The following ISLR2 variants were observed in gnomAD, a reference collection of about 807,000 sequenced individuals.
ISLR2 encodes immunoglobulin superfamily containing leucine-rich repeat protein 2.
In ISLR2, 16 loss-of-function variants were observed where a neutral mutation model predicts 25.5. The observed-to-expected ratio is 0.63, with a 90% CI of 0.43 to 0.95. The LOEUF (loss-of-function observed/expected upper bound fraction) is 0.95, where lower values mean the gene tolerates loss of function less well. Among genes scored for constraint, ISLR2 ranks in the 40% least tolerant of loss-of-function variants. The probability of loss-of-function intolerance (pLI) is 0.00; values close to 1 mark genes in which losing one functional copy is unlikely to be tolerated. For synonymous variants in ISLR2, 508 were observed against 486.6 expected (o/e 1.04, Z -0.58); for missense variants, 883 against 1,030.7 (o/e 0.86, Z 1.96).
In ISLR2 at chr15:74,132,063, C is replaced by G. The variant is rs2072433061; in HGVS notation, c.-8-684C>G. On this transcript the variant is annotated intron_variant, in intron 2 of 2. Transcript: ENST00000453268. The surrounding 1 kb of genome is among the most constrained non-coding windows in gnomAD (Gnocchi z 4.3). ...GTGTCCTTGTGTCTGTCAATTGTCA[C>G]AATGGACAGGAAAGCGCTTTGTACC... 1 of 152,334 alleles carries G rather than the reference C, an allele frequency of 6.6e-6. No homozygotes were observed. The highest frequency in any genetic ancestry group is 2.4e-5 in the African/African-American group (1 of 41,422). 9.4% of individuals were successfully genotyped at this position (152,334 alleles called of 1,614,324 possible).
chr15:74,134,488 A>G lies in ISLR2; in HGVS notation c.1734A>G (p.Gln578=), dbSNP rs376503849. ...TGGCGGGCGAAGCCTGCCACGTGCA[A>G]GTGGTGTTTTCCACCAAGAAGGAGC... ...LALAGEACHV[Q]VVFSTKKELP... is the part of the protein sequence containing the mutation. Residue 578 remains glutamine, a synonymous_variant, in exon 3 of 3, where the codon CAA becomes CAG. Coordinates refer to ENST00000453268, the MANE Select transcript of ISLR2 (RefSeq NM_020851.3). 32 of 1,613,368 alleles carry G rather than the reference A, an allele frequency of 2.0e-5. No individual in the cohort carries two copies. Among genetic ancestry groups the G allele is most frequent in the Non-Finnish European group, 2.7e-5 (32 of 1,179,974 alleles).
chr15:74,120,628 A>G (rs956494884), intron 2 of ISLR2, among the ~76,000 whole-genome samples: 1 of 151,912 alleles, frequency 6.6e-6, no homozygotes, highest in African/African-American at 2.4e-5. Flanking sequence ...CGGCTTGGGA[A>G]CAGGGAGCTG....
At chr15:74,120,771 C>A (rs1047184519) in intron 2 of ISLR2, among the ~76,000 whole-genome samples, 9 of 152,028 alleles carry the variant, frequency 5.9e-5, no homozygotes, top group Non-Finnish European at 1.0e-4. Context: ...GCATACTTCA[C>A]AAATTGTGAG....
At chr15:74,131,138 T>G (rs1467814310) in intron 1 of ISLR2, 69 bp from the exon 2 acceptor site, 1 of 152,788 alleles carries the variant, frequency 6.5e-6, no homozygotes, top group African/African-American at 2.4e-5. Context: ...GAAGTGGTAC[T>G]TTGGGGCCAC....
Position 74,133,726 on chromosome 15 carries a change from G to A in ISLR2, c.972G>A (p.Pro324=), listed in dbSNP as rs766750466. The A allele has an allele frequency of 6.2e-7, 1 of 1,609,444 alleles. No individual in the cohort carries two copies. Among genetic ancestry groups the A allele is most frequent in the Non-Finnish European group, 8.5e-7 (1 of 1,178,000 alleles). ...CGCCGACTCCAGCACCCGCTTGGCC[G>A]GCGCCCCCAGCCACACCGCGCTTCC... is the stretch of plus-strand genomic sequence containing the variant. The part of the protein sequence containing the change: ...AQTPTPAPAW[P]APPATPRFLA... Residue 324 remains proline (P), a synonymous_variant, in exon 3 of 3, where the codon CCG becomes CCA. Coordinates refer to ENST00000453268, the MANE Select transcript of ISLR2 (RefSeq NM_020851.3).
upstream of ISLR2, chr15:74,128,623 C>G: frequency 2.2e-6 from 1 of 456,646 alleles, no homozygotes; most frequent in Non-Finnish European, 4.4e-6. Context: ...GATTCTGCCT[C>G]CCTGCGGAAG....
chr15:74,119,473 C>T lies in ISLR2; in HGVS notation n.229-11734C>T, dbSNP rs143422010. On this transcript the variant is annotated intron_variant and non_coding_transcript_variant, in intron 2 of 3. Coordinates refer to the ISLR2 transcript ENST00000561975. ...TGGTCCTCCCAAACTGCTAGGATTACGGGTGTGAGCCACTGCACTCAGCCA... is the reference window on the plus strand; with the variant it reads ...TGGTCCTCCCAAACTGCTAGGATTATGGGTGTGAGCCACTGCACTCAGCCA... 1.9e-4 allele frequency among the ~76,000 whole-genome samples: 29 copies of T among 152,236 alleles called. No homozygotes were observed. In the East Asian group the frequency reaches 4.4e-3, roughly 23 times the overall value.
Position 74,134,177 on chromosome 15 carries a change from C to T in ISLR2, c.1423C>T (p.Gln475Ter). The change falls in exon 3 of 3, where the codon CAG becomes TAG. Residue 475 changes from glutamine (Q) to a stop codon, truncating the protein, a stop_gained. Coordinates refer to ENST00000453268, the MANE Select transcript of ISLR2 (RefSeq NM_020851.3). LOFTEE classifies it high-confidence loss of function. ...SRYVSNHAFN[Q>*]SAELKPHVFE... ...GTACGTTTCTAACCACGCGTTCAAC[C>T]AGAGCGCAGAGCTCAAGCCGCACGT... 1 of 1,612,284 alleles carries T rather than the reference C, an allele frequency of 6.2e-7. No individual in the cohort carries two copies.
At chr15:74,140,744 C>G (rs118037289), downstream of ISLR2, among the ~76,000 whole-genome samples, 1 of 152,120 alleles carries the variant, frequency 6.6e-6, no homozygotes, top group Non-Finnish European at 1.5e-5. Context: ...CTGGGCAGTT[C>G]GGAGGAAGCA....
upstream of ISLR2, among the ~76,000 whole-genome samples, chr15:74,124,296 A>G (rs528709295): frequency 6.6e-6 from 1 of 152,098 alleles, no homozygotes; most frequent in Admixed American, 6.6e-5. Flanking sequence ...TGACTCCTCT[A>G]TAGCCATATC....
rs2072456259 is a variant in ISLR2, at chr15:74,132,892, G to A, written c.138G>A (p.Pro46=). The A allele has an allele frequency of 3.1e-6, 5 of 1,613,978 alleles. No individual in the cohort carries two copies. Among genetic ancestry groups the A allele is most frequent in the South Asian group, 1.1e-5 (1 of 91,094 alleles). Residue 46 remains proline, a synonymous_variant, in exon 3 of 3, where the codon CCG becomes CCA. Transcript: ENST00000453268. The surrounding 1 kb of genome is among the most constrained non-coding windows in gnomAD (Gnocchi z 4.3). ...CTTACAAAGAGTTGCGTGAGGTGCCGGAAGGACTGCCTGCCAACGTGACGA... is the reference window on the plus strand; with the variant it reads ...CTTACAAAGAGTTGCGTGAGGTGCCAGAAGGACTGCCTGCCAACGTGACGA... The part of the protein sequence containing the change: ...DCAYKELREV[P]EGLPANVTTL...
chr15:74,116,357 A>G (rs2072210851), intron 2 of ISLR2, among the ~76,000 whole-genome samples: 1 of 151,750 alleles, frequency 6.6e-6, no homozygotes, highest in South Asian at 2.1e-4. Flanking sequence ...TGAGGCCAGG[A>G]GTTCAAGACC....
At chr15:74,139,237 G>A (rs775474397), downstream of ISLR2, among the ~76,000 whole-genome samples, 1 of 152,174 alleles carries the variant, frequency 6.6e-6, no homozygotes, top group Non-Finnish European at 1.5e-5. Context: ...CCAAGGACCA[G>A]GGTGCTGGGA....
At chr15:74,118,384 A>T (rs1302759352) in intron 2 of ISLR2, among the ~76,000 whole-genome samples, 1 of 152,188 alleles carries the variant, frequency 6.6e-6, no homozygotes, top group East Asian at 1.9e-4. Flanking sequence ...TGAAATTAAA[A>T]TTGCTAATGA....
At chr15:74,127,377 G>T (rs1281211155), upstream of ISLR2, 3 of 152,186 alleles carry the variant, frequency 2.0e-5, no homozygotes, top group Non-Finnish European at 4.4e-5. Flanking sequence ...GAGTGGGAGA[G>T]GTGTATAGGA....
intron 2 of ISLR2, among the ~76,000 whole-genome samples, chr15:74,105,820 C>T (rs184849256): frequency 1.3e-5 from 2 of 152,210 alleles, no homozygotes; most frequent in East Asian, 3.9e-4. Flanking sequence ...AACATTCCAC[C>T]CAGCCTCGAA....
At position 74,135,022 on chromosome 15, in the gene ISLR2, G is replaced by T; in HGVS notation, c.*30G>T. 1 of 1,598,884 alleles carries T rather than the reference G, an allele frequency of 6.3e-7. No individual in the cohort carries two copies. Among genetic ancestry groups the T allele is most frequent in the South Asian group, 1.1e-5 (1 of 88,900 alleles). ...CCGCCCGTCCGGCCCGCCCATTCCC[G>T]ACCTCCACCTAGGGTGCCTGGGAGC... On this transcript the variant is annotated 3_prime_UTR_variant, in exon 3 of 3. Transcript: ENST00000453268.
chr15:74,130,830 G>A (rs1218065577), intron 1 of ISLR2, among the ~76,000 whole-genome samples: 1 of 152,118 alleles, frequency 6.6e-6, no homozygotes, highest in Non-Finnish European at 1.5e-5. Flanking sequence ...TGAACGTGGG[G>A]TGGGGGAGGT....
chr15:74,138,700 A>C (rs887587523), downstream of ISLR2, among the ~76,000 whole-genome samples: 2 of 152,112 alleles, frequency 1.3e-5, no homozygotes, highest in Admixed American at 6.5e-5. Flanking sequence ...TTTTCAAGAA[A>C]AATTCCCTTC....
Sources: gnomAD v4.1 joint callset for allele counts (sites outside exome capture counted in the v4.1 genomes callset) on GRCh38, gnomAD v4.1.1 for gene constraint, Gnocchi (gnomAD v3.1) non-coding constraint, MANE v1.5 for transcripts, NCBI Gene and HGNC (gene_info 2026-07-23, HGNC 2026-07-21) for gene names.